The following FAM219A variants were observed in gnomAD, a reference collection of about 807,000 sequenced individuals.
The protein encoded by FAM219A is protein FAM219A.
In FAM219A, 7 loss-of-function variants were observed where a neutral mutation model predicts 23.4. That is an observed-to-expected ratio of 0.30 (90% CI 0.17 to 0.56). The LOEUF (loss-of-function observed/expected upper bound fraction) is 0.56, where lower values mean the gene tolerates loss of function less well. FAM219A is among the 20% of genes least tolerant of loss of function. FAM219A has a pLI of 0.92. For synonymous variants in FAM219A, 93 were observed against 99.0 expected, an observed-to-expected ratio of 0.94 and a Z score of 0.36; for missense variants, 166 against 246.9, an observed-to-expected ratio of 0.67 and a Z score of 2.20.
Position 34,417,441 on chromosome 9 carries a change from A to G in FAM219A, c.61-11477T>C, listed in dbSNP as rs1822077460. 6.6e-6 allele frequency among the ~76,000 whole-genome samples: 1 copy of G among 152,176 alleles called. No individual in the cohort carries two copies. ...ATGTAGAGTAACTTTGTAACCATTC[A>G]TTTATTTTTGACATTCAGGTTGTTT... On this transcript the variant is annotated intron_variant, in intron 1 of 5. Coordinates refer to ENST00000651358, the MANE Select transcript of FAM219A (RefSeq NM_001184940.2). The surrounding 1 kb of genome is among the most constrained non-coding windows in gnomAD (Gnocchi z 4.1).
chr9:34,406,812 T>A (rs1821651696), intron 1 of FAM219A, among the ~76,000 whole-genome samples: 1 of 151,592 alleles, frequency 6.6e-6, no homozygotes, highest in African/African-American at 2.4e-5. Context: ...TCTTTTTTTT[T>A]TTTTTTTTGA....
chr9:34,400,722 A>C lies in FAM219A; in HGVS notation c.*242T>G. ...GTGAGGTTCCCCCAGGTAACTGAAC[A>C]AACGGCCCCCACCCCTCCTCAGCTC... On this transcript the variant is annotated 3_prime_UTR_variant, in exon 6 of 6. Transcript: ENST00000651358. 1 of 403,292 alleles carries C rather than the reference A, an allele frequency of 2.5e-6. No individual in the cohort carries two copies. Among genetic ancestry groups the C allele is most frequent in the Non-Finnish European group, 4.4e-6 (1 of 228,770 alleles). The allele number at this position is 403,292 out of a possible 1,614,324, so 25.0% of individuals were successfully genotyped here. A position where few individuals can be genotyped will look rare whatever the true frequency, so the allele number is the denominator to read the frequency against.
intron 1 of FAM219A, among the ~76,000 whole-genome samples, chr9:34,456,216 C>A (rs1316540127): frequency 6.6e-6 from 1 of 152,134 alleles, no homozygotes; most frequent in Non-Finnish European, 1.5e-5. Context: ...AAAAAGTATT[C>A]TCTTGCACAA....
intron 1 of FAM219A, among the ~76,000 whole-genome samples, chr9:34,421,272 T>A (rs1822272434): frequency 6.6e-6 from 1 of 151,936 alleles, no homozygotes; most frequent in Non-Finnish European, 1.5e-5. Flanking sequence ...GTGTGTGTTA[T>A]AGGGGTGTGT....
At chr9:34,404,172 T>C (rs1048545239) in intron 2 of FAM219A, among the ~76,000 whole-genome samples, 1 of 152,206 alleles carries the variant, frequency 6.6e-6, no homozygotes, top group Admixed American at 6.5e-5. Context: ...TAAAGACTAC[T>C]ATACAACCAT....
chr9:34,449,618 TA>T (rs1339019751), intron 1 of FAM219A, among the ~76,000 whole-genome samples: 1 of 152,206 alleles, frequency 6.6e-6, no homozygotes, highest in Non-Finnish European at 1.5e-5. Context: ...AGGAAGACTA[TA>T]AATCTAGACT....
At chr9:34,402,855 C>G (rs751835421) in intron 2 of FAM219A, 48 bp from the exon 3 acceptor site, 2 of 1,570,946 alleles carry the variant, frequency 1.3e-6, no homozygotes, top group African/African-American at 2.7e-5. Context: ...CTGAGGCCAC[C>G]CTGTCTTACT....
In FAM219A at chr9:34,398,307, C is replaced by T. The variant is rs1001226864; in HGVS notation, c.*2657G>A. Reference sequence around the variant, plus strand: ...TACACGGCTCATGTCTTCCACACACCTTCCTGGAAATAAATTAGTGAGCAC... The same window carrying T: ...TACACGGCTCATGTCTTCCACACACTTTCCTGGAAATAAATTAGTGAGCAC... On this transcript the variant is annotated 3_prime_UTR_variant, in exon 6 of 6. Transcript: ENST00000651358. 3.0e-5 allele frequency: 47 copies of T among 1,550,726 alleles called. No homozygotes were observed. The highest frequency in any genetic ancestry group is 3.3e-4 in the Middle Eastern group (2 of 6,014).
At chr9:34,427,315 G>A (rs1473217068) in intron 1 of FAM219A, among the ~76,000 whole-genome samples, 1 of 151,872 alleles carries the variant, frequency 6.6e-6, no homozygotes, top group African/African-American at 2.4e-5. Context: ...GGGACTACAG[G>A]TGCACGCCAC....
intron 1 of FAM219A, among the ~76,000 whole-genome samples, chr9:34,415,610 T>C (rs971335490): frequency 6.6e-6 from 1 of 152,192 alleles, no homozygotes; most frequent in Non-Finnish European, 1.5e-5. Context: ...GCAGCAAAAC[T>C]CTGGGGCTTC....
intron 1 of FAM219A, among the ~76,000 whole-genome samples, chr9:34,438,376 T>C (rs1487980101): frequency 6.6e-6 from 1 of 152,200 alleles, no homozygotes; most frequent in African/African-American, 2.4e-5. Flanking sequence ...GCAGCACCGG[T>C]GCGGGATCCA....
At chr9:34,403,237 C>T (rs1173264227) in intron 2 of FAM219A, among the ~76,000 whole-genome samples, 5 of 152,140 alleles carry the variant, frequency 3.3e-5, no homozygotes, top group African/African-American at 1.2e-4. Context: ...ATAAGTGTGG[C>T]TCTGGATAGA....
chr9:34,446,355 T>C (rs10972118), intron 1 of FAM219A, among the ~76,000 whole-genome samples: 3,174 of 152,294 alleles, frequency 0.021, 93 homozygotes, highest in East Asian at 0.12. Flanking sequence ...GGCCTTGATA[T>C]ATACAAAACA....
At chr9:34,436,899 C>A (rs189883975) in intron 1 of FAM219A, among the ~76,000 whole-genome samples, 14 of 152,320 alleles carry the variant, frequency 9.2e-5, no homozygotes, top group African/African-American at 3.4e-4. Context: ...GAACACTTTG[C>A]AGCATGCCTG....
chr9:34,408,294 C>A (rs1821712074), intron 1 of FAM219A, among the ~76,000 whole-genome samples: 1 of 152,236 alleles, frequency 6.6e-6, no homozygotes, highest in Non-Finnish European at 1.5e-5. Context: ...AAGCAAACCT[C>A]TAGTGGCCCT....
At chr9:34,414,710 A>G (rs1230832406) in intron 1 of FAM219A, among the ~76,000 whole-genome samples, 4 of 152,196 alleles carry the variant, frequency 2.6e-5, no homozygotes, top group Non-Finnish European at 5.9e-5. Flanking sequence ...AAGTCTGAAG[A>G]GAAAGTTTGT....
chr9:34,405,805 A>C, intron 2 of FAM219A, 60 bp downstream of exon 2: 1 of 1,525,724 alleles, frequency 6.6e-7, no homozygotes, highest in African/African-American at 1.4e-5. Context: ...CTCATTGTAG[A>C]CCCAGCCCAG....
At chr9:34,436,399 A>C (rs1404951759) in intron 1 of FAM219A, among the ~76,000 whole-genome samples, 1 of 151,536 alleles carries the variant, frequency 6.6e-6, no homozygotes, top group Admixed American at 6.6e-5. Context: ...ACATGCCACC[A>C]TGCCTGGCTA....
In FAM219A at chr9:34,457,920, C is replaced by T. The variant is rs1405105789; in HGVS notation, c.60+284G>A. 1.3e-5 allele frequency among the ~76,000 whole-genome samples: 2 copies of T among 152,234 alleles called. No homozygotes were observed. Among genetic ancestry groups the T allele is most frequent in the Non-Finnish European group, 2.9e-5 (2 of 68,032 alleles). On this transcript the variant is annotated intron_variant, in intron 1 of 5. Coordinates refer to ENST00000651358, the MANE Select transcript of FAM219A (RefSeq NM_001184940.2). The surrounding 1 kb of genome is among the most constrained non-coding windows in gnomAD (Gnocchi z 5.1). ...TCCCTCGCCAGTCCCTGCTATGGGC[C>T]TCCACTAGCGGTGTGCACCTTTGTG...
Sources: gnomAD v4.1 joint callset for allele counts (sites outside exome capture counted in the v4.1 genomes callset) on GRCh38, gnomAD v4.1.1 for gene constraint, Gnocchi (gnomAD v3.1) non-coding constraint, MANE v1.5 for transcripts, NCBI Gene and HGNC (gene_info 2026-07-23, HGNC 2026-07-21) for gene names.